Variants in SLC41A2 observed in about 807,000 individuals in gnomAD.
The protein encoded by SLC41A2 is SLC41A1-like 1.
Under a neutral mutation model 58.3 loss-of-function variants are expected in SLC41A2, and 32 were observed. The observed-to-expected ratio is 0.55, with a 90% CI of 0.41 to 0.74. The LOEUF is 0.74. Among genes scored for constraint, SLC41A2 ranks in the 30% least tolerant of loss-of-function variants. The pLI, the probability that SLC41A2 is intolerant of heterozygous loss-of-function variation, is 0.00. For missense variants in SLC41A2, 514 were observed against 680.6 expected, an observed-to-expected ratio of 0.76 and a Z score of 2.72; for synonymous variants, 190 against 235.0, an observed-to-expected ratio of 0.81 and a Z score of 1.75.
At chr12:104,810,293 T>G (rs2041114694) in intron 10 of SLC41A2, among the ~76,000 whole-genome samples, 1 of 152,160 alleles carries the variant, frequency 6.6e-6, no homozygotes, top group Admixed American at 6.6e-5. Flanking sequence ...GGAGGTAAAT[T>G]TGCTGATTGA....
Position 104,829,162 on chromosome 12 carries a change from A to T in SLC41A2, c.1536+15310T>A, listed in dbSNP as rs147861928. ...TCTACTATAGGTATTTACCCAAGAG[A>T]AATGAAAATATATCTGCACAAAAAT... On this transcript the variant is annotated intron_variant, in intron 10 of 10. Transcript: ENST00000258538. Among the ~76,000 whole-genome samples, 663 of 152,348 alleles carry T rather than the reference A, an allele frequency of 4.4e-3. 6 individuals carry two copies. Among genetic ancestry groups the T allele is most frequent in the African/African-American group, 0.015 (630 of 41,578 alleles).
At chr12:104,855,805 A>G (rs1016394675) in intron 8 of SLC41A2, among the ~76,000 whole-genome samples, 49 of 152,294 alleles carry the variant, frequency 3.2e-4, no homozygotes, top group African/African-American at 1.2e-3. Flanking sequence ...GCGATTGGGG[A>G]TATCTTGTTT....
At chr12:104,905,818 A>T (rs975190962) in intron 3 of SLC41A2, among the ~76,000 whole-genome samples, 2 of 152,224 alleles carry the variant, frequency 1.3e-5, no homozygotes, top group Admixed American at 1.3e-4. Flanking sequence ...TGCGGGGCCC[A>T]CCAAGCCCAC....
At chr12:104,867,019 G>A (rs1456843497) in intron 6 of SLC41A2, among the ~76,000 whole-genome samples, 1 of 152,046 alleles carries the variant, frequency 6.6e-6, no homozygotes, top group Non-Finnish European at 1.5e-5. Flanking sequence ...TAAGAATACA[G>A]TGAGGAAATA....
intron 6 of SLC41A2, among the ~76,000 whole-genome samples, chr12:104,866,951 C>G (rs2043497376): frequency 6.6e-6 from 1 of 151,944 alleles, no homozygotes; most frequent in African/African-American, 2.4e-5. Context: ...ATTGTCCCCA[C>G]CAATATAAAA....
At chr12:104,892,044 A>C (rs915412819) in intron 4 of SLC41A2, among the ~76,000 whole-genome samples, 2 of 152,174 alleles carry the variant, frequency 1.3e-5, no homozygotes, top group Non-Finnish European at 2.9e-5. Context: ...TCACACCTGT[A>C]ATCCCAGTAC....
chr12:104,859,741 C>T (rs1481946430), intron 8 of SLC41A2, among the ~76,000 whole-genome samples: 1 of 151,944 alleles, frequency 6.6e-6, no homozygotes, highest in African/African-American at 2.4e-5. Flanking sequence ...TACATATATA[C>T]ATTTTTTTTG....
Position 104,866,576 on chromosome 12 carries a change from G to A in SLC41A2, c.1031C>T (p.Thr344Ile). ...AACTAATGGAGAAATGTAGTAATAG[G>A]TCTCTAAAATTAAAAAAAAAAAAAA... is the stretch of plus-strand genomic sequence containing the variant. ...ISQGLYSCLE[T>I]YYYISPLVGV... The change falls in exon 7 of 11, where the codon ACC becomes ATC. Residue 344 changes from threonine to isoleucine, a missense_variant. By Grantham distance (89) the Thr-to-Ile change is moderately conservative. Coordinates refer to ENST00000258538, the MANE Select transcript of SLC41A2 (RefSeq NM_001352171.3). 1 of 1,506,494 alleles carries A rather than the reference G, an allele frequency of 6.6e-7. No individual in the cohort carries two copies. Among genetic ancestry groups the A allele is most frequent in the Non-Finnish European group, 8.8e-7 (1 of 1,134,580 alleles). 93.3% of individuals were successfully genotyped at this position (1,506,494 alleles called of 1,614,324 possible).
At position 104,861,385 on chromosome 12, in the gene SLC41A2, A is replaced by T. The variant is rs2043206882; in HGVS notation, c.1176-15T>A. 6.3e-7 allele frequency: 1 copy of T among 1,587,382 alleles called. No homozygotes were observed. Among genetic ancestry groups the T allele is most frequent in the Non-Finnish European group, 8.6e-7 (1 of 1,157,158 alleles). On this transcript the variant is annotated splice_polypyrimidine_tract_variant and intron_variant, in intron 7 of 10. Coordinates refer to ENST00000258538, the MANE Select transcript of SLC41A2 (RefSeq NM_001352171.3). ...GGCCCCCAATGCTGAAAGAGATAAA[A>T]TTATATAATTTAGAGAAGAGGGAAG...
At chr12:104,921,533 C>G (rs576245272) in intron 2 of SLC41A2, among the ~76,000 whole-genome samples, 17 of 150,622 alleles carry the variant, frequency 1.1e-4, no homozygotes, top group African/African-American at 4.1e-4. Context: ...TCCAAGAATA[C>G]TATAACCAGC....
chr12:104,917,949 G>A (rs1339768388), intron 2 of SLC41A2, among the ~76,000 whole-genome samples: 1 of 148,656 alleles, frequency 6.7e-6, no homozygotes. Context: ...TTGTGTACAT[G>A]TACCCTAAAA....
chr12:104,801,877 T>C lies in SLC41A2; in HGVS notation c.*3275A>G, dbSNP rs1390584912. On this transcript the variant is annotated 3_prime_UTR_variant, in exon 11 of 11. Coordinates refer to ENST00000258538, the MANE Select transcript of SLC41A2 (RefSeq NM_001352171.3). ...AATTACCCCAGTCTCTTCTGGGAGA[T>C]TTCCACACTGGCTTGATGTTCTCTA... 6.6e-6 allele frequency among the ~76,000 whole-genome samples: 1 copy of C among 152,172 alleles called. No individual in the cohort carries two copies. Among genetic ancestry groups the C allele is most frequent in the Non-Finnish European group, 1.5e-5 (1 of 68,018 alleles).
At chr12:104,939,156 T>C (rs964181847) in intron 1 of SLC41A2, among the ~76,000 whole-genome samples, 6 of 152,176 alleles carry the variant, frequency 3.9e-5, no homozygotes, top group African/African-American at 1.2e-4. Context: ...CAGGGAATCA[T>C]TGACTTAAAG....
chr12:104,892,327 A>AAAT (rs1435965009), intron 4 of SLC41A2, among the ~76,000 whole-genome samples: 4,539 of 145,950 alleles, frequency 0.031, 412 homozygotes, highest in East Asian at 0.15. Context: ...AAAATAAAAT[A>AAAT]AAATAAAATA....
intron 10 of SLC41A2, among the ~76,000 whole-genome samples, chr12:104,844,243 T>C (rs1177655096): frequency 2.0e-5 from 3 of 152,168 alleles, no homozygotes; most frequent in African/African-American, 4.8e-5. Context: ...AATATAGCCA[T>C]AGTGAAATTA....
chr12:104,858,797 T>A (rs1423011654), intron 8 of SLC41A2, among the ~76,000 whole-genome samples: 2 of 152,010 alleles, frequency 1.3e-5, no homozygotes, highest in Non-Finnish European at 2.9e-5. Flanking sequence ...AACTAAGAGG[T>A]TTACTTACTG....
chr12:104,891,144 T>C (rs530995785), intron 4 of SLC41A2, among the ~76,000 whole-genome samples: 1 of 152,250 alleles, frequency 6.6e-6, no homozygotes, highest in African/African-American at 2.4e-5. Flanking sequence ...CTTCAACCAA[T>C]TGCTGCCTCA....
chr12:104,897,914 T>C (rs776269801), intron 3 of SLC41A2, among the ~76,000 whole-genome samples: 4 of 152,198 alleles, frequency 2.6e-5, no homozygotes, highest in Non-Finnish European at 4.4e-5. Context: ...ATGAGCCATC[T>C]AAGTTTTTTC....
rs1045776396 is a variant in SLC41A2 at position 104,941,247 on chromosome 12, C to T, written c.-167-12553G>A. Among the ~76,000 whole-genome samples the T allele has an allele frequency of 2.0e-5, 3 of 152,284 alleles. No homozygotes were observed. In the East Asian group the frequency reaches 5.8e-4, roughly 29 times the overall value. On this transcript the variant is annotated intron_variant, in intron 1 of 10. Transcript: ENST00000258538. ...CTGATACCCCAGAGCTAGCTGATTC[C>T]ATAAAACAATTGCTCATTTCTAGGG...
Sources: allele counts gnomAD v4.1 joint callset (sites outside exome capture counted in the v4.1 genomes callset), GRCh38; gene constraint gnomAD v4.1.1; transcripts MANE v1.5; gene names NCBI Gene and HGNC (gene_info 2026-07-23, HGNC 2026-07-21).